The following LRRC3B variants were observed in gnomAD, a reference collection of about 807,000 sequenced individuals.
LRRC3B encodes the protein leucine-rich repeat-containing protein 3B.
In LRRC3B, 2 loss-of-function variants were observed where a neutral mutation model predicts 12.8. That is an observed-to-expected ratio of 0.16 (90% CI 0.06 to 0.49). The LOEUF (loss-of-function observed/expected upper bound fraction) is 0.49. Ranked by LOEUF, LRRC3B falls within the 20% of genes least tolerant of loss-of-function variation. The probability of loss-of-function intolerance (pLI) is 0.96; values close to 1 mark genes in which losing one functional copy is unlikely to be tolerated. For missense variants in LRRC3B, 189 were observed against 319.4 expected (o/e 0.59, Z 3.11); for synonymous variants, 132 against 122.0 (o/e 1.08, Z -0.54).
At chr3:26,664,631 G>C (rs923130753) in intron 1 of LRRC3B, among the ~76,000 whole-genome samples, 5 of 152,156 alleles carry the variant, frequency 3.3e-5, no homozygotes, top group Admixed American at 1.3e-4. Flanking sequence ...TGGTTGGGTG[G>C]TGGGGAAGTA....
intron 1 of LRRC3B, among the ~76,000 whole-genome samples, chr3:26,700,258 G>C (rs577533416): frequency 3.9e-5 from 6 of 152,136 alleles, no homozygotes; most frequent in Non-Finnish European, 8.8e-5. Flanking sequence ...CTCCCTCTTT[G>C]ATTTTCCCAA....
chr3:26,684,403 T>C (rs1282237328), intron 1 of LRRC3B, among the ~76,000 whole-genome samples: 1 of 152,270 alleles, frequency 6.6e-6, no homozygotes, highest in African/African-American at 2.4e-5. Flanking sequence ...GTGCTTACTC[T>C]TTTCTATCTC....
chr3:26,693,121 G>A (rs1700226586), intron 1 of LRRC3B, among the ~76,000 whole-genome samples: 1 of 151,812 alleles, frequency 6.6e-6, no homozygotes, highest in South Asian at 2.1e-4. Context: ...ACGAGGTCAG[G>A]AGATCGAGAC....
chr3:26,654,114 A>G (rs1445805401), intron 1 of LRRC3B, among the ~76,000 whole-genome samples: 1 of 152,216 alleles, frequency 6.6e-6, no homozygotes, highest in Non-Finnish European at 1.5e-5. Context: ...GAATAGAATC[A>G]TGATTTAAAA....
At chr3:26,703,670 T>C (rs1338763123) in intron 1 of LRRC3B, among the ~76,000 whole-genome samples, 4 of 151,620 alleles carry the variant, frequency 2.6e-5, no homozygotes, top group Admixed American at 6.6e-5. Context: ...TTTGGGCTGT[T>C]TGCTACAGAG....
intron 1 of LRRC3B, among the ~76,000 whole-genome samples, chr3:26,691,099 G>GTATATA (rs1700181058): frequency 2.1e-5 from 1 of 47,714 alleles, no homozygotes; most frequent in Non-Finnish European, 4.0e-5. Context: ...ATATGTGTGT[G>GTATATA]TGTGTGTATA....
exon 2 of LRRC3B, chr3:26,710,243 G>A (rs1700717370): frequency 3.1e-6 from 5 of 1,613,704 alleles, no homozygotes; most frequent in South Asian, 1.1e-5. Context: ...TGCTGCCAAC[G>A]ACGCTGACCT....
chr3:26,651,979 G>T (rs989185232), intron 1 of LRRC3B, among the ~76,000 whole-genome samples: 1 of 152,060 alleles, frequency 6.6e-6, no homozygotes, highest in Non-Finnish European at 1.5e-5. Context: ...CAGGATCCTG[G>T]TGCTAGCAAA....
intron 1 of LRRC3B, among the ~76,000 whole-genome samples, chr3:26,695,550 C>T (rs1002445747): frequency 1.3e-5 from 2 of 151,956 alleles, no homozygotes; most frequent in Admixed American, 6.6e-5. Context: ...AACAAAAAAA[C>T]TTCTTGATTT....
intron 1 of LRRC3B, among the ~76,000 whole-genome samples, chr3:26,690,249 C>T (rs1323487457): frequency 6.6e-6 from 1 of 152,108 alleles, no homozygotes; most frequent in African/African-American, 2.4e-5. Context: ...AGATTGTGCA[C>T]GTATCTAAAG....
At chr3:26,626,965 A>G (rs746260977) in intron 1 of LRRC3B, among the ~76,000 whole-genome samples, 10 of 152,228 alleles carry the variant, frequency 6.6e-5, no homozygotes, top group Non-Finnish European at 1.2e-4. Context: ...ATACAGTGGC[A>G]TAAATTCTTG....
rs558350695 is a variant in LRRC3B, at chr3:26,675,401, A to T, written c.-160-34112A>T. Among the ~76,000 whole-genome samples, 32 of 152,314 alleles carry T rather than the reference A, an allele frequency of 2.1e-4. No homozygotes were observed. The Middle Eastern group carries it at 0.01, about 49-fold the overall frequency. ...ACTTGCTACCTTCAGCCAGACACACACTGTGCCAACTACCCACTGTCTTCC... is the reference window on the plus strand; with the variant it reads ...ACTTGCTACCTTCAGCCAGACACACTCTGTGCCAACTACCCACTGTCTTCC... On this transcript the variant is annotated intron_variant, in intron 1 of 1. Coordinates refer to ENST00000396641, the Ensembl canonical transcript of LRRC3B.
At chr3:26,626,048 G>C (rs1698617449) in intron 1 of LRRC3B, among the ~76,000 whole-genome samples, 1 of 152,202 alleles carries the variant, frequency 6.6e-6, no homozygotes, top group Admixed American at 6.5e-5. Context: ...GCATGAGTGA[G>C]GCCCCTCACC....
intron 1 of LRRC3B, among the ~76,000 whole-genome samples, chr3:26,698,379 C>CTGGCCT (rs1700371982): frequency 6.6e-6 from 1 of 152,136 alleles, no homozygotes; most frequent in Non-Finnish European, 1.5e-5. Flanking sequence ...GCACCTTGCA[C>CTGGCCT]ATGTCTCATA....
intron 1 of LRRC3B, among the ~76,000 whole-genome samples, chr3:26,709,081 A>G (rs369879259): frequency 2.9e-4 from 44 of 152,342 alleles, no homozygotes; most frequent in African/African-American, 1.0e-3. Flanking sequence ...ATCCCTGTCT[A>G]TAGTCATTAA....
intron 1 of LRRC3B, among the ~76,000 whole-genome samples, chr3:26,697,839 C>T (rs1202477308): frequency 2.0e-5 from 3 of 152,140 alleles, no homozygotes; most frequent in African/African-American, 7.2e-5. Context: ...GCTTTTGGCC[C>T]TGTGCCTTGT....
exon 2 of LRRC3B, chr3:26,710,140 T>G (rs1469164935): frequency 1.2e-6 from 2 of 1,614,026 alleles, no homozygotes; most frequent in Non-Finnish European, 1.7e-6. Context: ...TACAGCAAGT[T>G]CTGAGGAGCA....
intron 1 of LRRC3B, among the ~76,000 whole-genome samples, chr3:26,699,681 G>A: frequency 6.6e-6 from 1 of 152,144 alleles, no homozygotes. Context: ...AGTTATCCTG[G>A]ACTCTGGTGA....
chr3:26,632,302 T>A (rs1698773640), intron 1 of LRRC3B, among the ~76,000 whole-genome samples: 1 of 152,222 alleles, frequency 6.6e-6, no homozygotes, highest in African/African-American at 2.4e-5. Context: ...TACTCTCTGC[T>A]AAAAACCTTT....
Sources: gnomAD v4.1 joint callset for allele counts (sites outside exome capture counted in the v4.1 genomes callset) on GRCh38, gnomAD v4.1.1 for gene constraint, MANE v1.5 for transcripts, NCBI Gene and HGNC (gene_info 2026-07-23, HGNC 2026-07-21) for gene names.